PLS1: variants seen among roughly 807,000 people sequenced by gnomAD.
The protein encoded by PLS1 is plastin 1.
In PLS1, 32 loss-of-function variants were observed where a neutral mutation model predicts 73.7. The ratio of observed to expected loss-of-function variants is 0.43; its 90% CI spans 0.33 to 0.58. The LOEUF is 0.58. Ranked by LOEUF, PLS1 falls within the 20% of genes least tolerant of loss-of-function variation. PLS1 has a pLI of 0.04. For missense variants in PLS1, 633 were observed against 740.5 expected (o/e 0.85, Z 1.68); for synonymous variants, 217 against 261.3 (o/e 0.83, Z 1.63).
intron 1 of PLS1, among the ~76,000 whole-genome samples, chr3:142,655,591 G>A (rs956165432): frequency 2.0e-5 from 3 of 151,446 alleles, no homozygotes; most frequent in South Asian, 2.1e-4. Context: ...GCGTGGTGGC[G>A]GGCGCCTGCA....
chr3:142,674,157 C>T (rs916462753), intron 4 of PLS1, among the ~76,000 whole-genome samples: 1 of 152,074 alleles, frequency 6.6e-6, no homozygotes, highest in African/African-American at 2.4e-5. Flanking sequence ...GTGTATTTCC[C>T]TTATATCACA....
At chr3:142,601,526 T>C (rs1329328947) in intron 1 of PLS1, among the ~76,000 whole-genome samples, 3 of 152,190 alleles carry the variant, frequency 2.0e-5, no homozygotes, top group African/African-American at 7.2e-5. Context: ...ATTACTCATT[T>C]ATTTTTAATT....
intron 1 of PLS1, among the ~76,000 whole-genome samples, chr3:142,630,784 T>C (rs926956512): frequency 6.6e-6 from 1 of 151,786 alleles, no homozygotes; most frequent in African/African-American, 2.4e-5. Context: ...TCAAGCAACC[T>C]TGAATATCCA....
intron 1 of PLS1, among the ~76,000 whole-genome samples, chr3:142,632,602 T>TG (rs903076379): frequency 3.3e-5 from 5 of 151,240 alleles, no homozygotes; most frequent in Non-Finnish European, 7.4e-5. Flanking sequence ...GCAGGATTTT[T>TG]TTTTTTTTTC....
At chr3:142,619,543 C>G (rs2036277317) in intron 1 of PLS1, 1 of 152,150 alleles carries the variant, frequency 6.6e-6, no homozygotes, top group African/African-American at 2.4e-5. Context: ...TGTCATCTGC[C>G]AGATTTCCAA....
chr3:142,667,906 T>C (rs2037512989), intron 2 of PLS1, among the ~76,000 whole-genome samples: 1 of 152,268 alleles, frequency 6.6e-6, no homozygotes, highest in Non-Finnish European at 1.5e-5. Flanking sequence ...CTTAGCTTCC[T>C]AGCTGAATTT....
intron 3 of PLS1, among the ~76,000 whole-genome samples, chr3:142,669,791 G>GTAAT (rs1340395759): frequency 2.0e-5 from 3 of 152,182 alleles, no homozygotes; most frequent in African/African-American, 7.2e-5. Flanking sequence ...TTAGATAATA[G>GTAAT]TAATTCATTC....
At chr3:142,694,933 AT>A (rs2038162653) in intron 11 of PLS1, among the ~76,000 whole-genome samples, 2 of 152,062 alleles carry the variant, frequency 1.3e-5, no homozygotes, top group Admixed American at 6.6e-5. Context: ...TTTTGTGTAT[AT>A]TTTTTTCTAA....
Position 142,692,454 on chromosome 3 carries a change from T to C in PLS1, c.1178-2015T>C, listed in dbSNP as rs546383723. On this transcript the variant is annotated intron_variant, in intron 10 of 15. Transcript: ENST00000457734. ...CCAATCTGGAACACATATATCTTTG[T>C]AATGCTTTACCATGGCTGTTGCACA... Among the ~76,000 whole-genome samples the C allele has an allele frequency of 5.9e-5, 9 of 152,254 alleles. No individual in the cohort carries two copies. In the East Asian group the frequency reaches 9.6e-4, roughly 16 times the overall value.
At chr3:142,662,194 G>T (rs979897159) in intron 1 of PLS1, among the ~76,000 whole-genome samples, 1 of 152,132 alleles carries the variant, frequency 6.6e-6, no homozygotes, top group Non-Finnish European at 1.5e-5. Context: ...ACTGGGTAAA[G>T]AAAATGTGGC....
At chr3:142,672,134 G>T (rs1339996837) in intron 4 of PLS1, among the ~76,000 whole-genome samples, 1 of 152,052 alleles carries the variant, frequency 6.6e-6, no homozygotes, top group Non-Finnish European at 1.5e-5. Context: ...ATGGCTCAAT[G>T]AATTTTTCCA....
intron 14 of PLS1, among the ~76,000 whole-genome samples, chr3:142,705,688 C>G (rs1375447212): frequency 1.3e-5 from 2 of 152,196 alleles, no homozygotes; most frequent in African/African-American, 2.4e-5. Flanking sequence ...TTTTATTTCT[C>G]TCTTTGCCTT....
At chr3:142,635,472 G>A (rs1468789205) in intron 1 of PLS1, among the ~76,000 whole-genome samples, 2 of 151,560 alleles carry the variant, frequency 1.3e-5, no homozygotes, top group African/African-American at 4.8e-5. Flanking sequence ...GCATGGTGAC[G>A]CGAGTCTGCA....
At chr3:142,634,564 G>C (rs936239685) in intron 1 of PLS1, among the ~76,000 whole-genome samples, 2 of 152,118 alleles carry the variant, frequency 1.3e-5, no homozygotes. Flanking sequence ...CGATGGTGTA[G>C]TATAGATAAG....
chr3:142,615,223 A>G (rs1249374525), intron 1 of PLS1, among the ~76,000 whole-genome samples: 1 of 152,212 alleles, frequency 6.6e-6, no homozygotes, highest in East Asian at 1.9e-4. Flanking sequence ...CAGAGAAGTG[A>G]TGTAGGCTGA....
chr3:142,619,723 A>C (rs1409418518), intron 1 of PLS1: 3 of 152,208 alleles, frequency 2.0e-5, no homozygotes, highest in African/African-American at 7.2e-5. Context: ...AGTCTGCAAG[A>C]TGTGTGTATG....
intron 1 of PLS1, among the ~76,000 whole-genome samples, chr3:142,655,992 C>T (rs2037227870): frequency 6.6e-6 from 1 of 152,070 alleles, no homozygotes; most frequent in Non-Finnish European, 1.5e-5. Flanking sequence ...GATAGAGTCT[C>T]ACTCCGTCAC....
chr3:142,620,743 G>A (rs763722107), intron 1 of PLS1, among the ~76,000 whole-genome samples: 1 of 152,170 alleles, frequency 6.6e-6, no homozygotes, highest in African/African-American at 2.4e-5. Flanking sequence ...TACAGGCCAT[G>A]TGCAGTGGCT....
intron 5 of PLS1, among the ~76,000 whole-genome samples, chr3:142,677,433 G>A (rs1040531519): frequency 6.6e-6 from 1 of 151,990 alleles, no homozygotes; most frequent in Non-Finnish European, 1.5e-5. Flanking sequence ...ATCACTTGAG[G>A]TCAGGAGTTT....
Sources: gnomAD v4.1 joint callset for allele counts (sites outside exome capture counted in the v4.1 genomes callset) on GRCh38, gnomAD v4.1.1 for gene constraint, MANE v1.5 for transcripts, NCBI Gene and HGNC (gene_info 2026-07-23, HGNC 2026-07-21) for gene names.